Variants in DAB1 observed in about 807,000 individuals in gnomAD.
DAB1 encodes DAB adaptor protein 1.
In DAB1, 15 loss-of-function variants were observed where a neutral mutation model predicts 64.6. That is an observed-to-expected ratio of 0.23 (90% confidence interval 0.16 to 0.36). The LOEUF (loss-of-function observed/expected upper bound fraction) is 0.36. Among genes scored for constraint, DAB1 ranks in the 10% least tolerant of loss-of-function variants. DAB1 has a pLI of 1.00. For missense variants in DAB1, 596 were observed against 706.7 expected, an observed-to-expected ratio of 0.84 and a Z score of 1.78; for synonymous variants, 235 against 251.9, an observed-to-expected ratio of 0.93 and a Z score of 0.64.
At chr1:57,943,386 A>AT (rs1645131793) in intron 5 of DAB1, among the ~76,000 whole-genome samples, 1 of 152,170 alleles carries the variant, frequency 6.6e-6, no homozygotes, top group Non-Finnish European at 1.5e-5. Context: ...TAGTAAGCTC[A>AT]TGTGTGTTAC....
chr1:57,922,062 A>T (rs1264053668), intron 5 of DAB1, among the ~76,000 whole-genome samples: 3 of 151,946 alleles, frequency 2.0e-5, no homozygotes, highest in Admixed American at 2.0e-4. Flanking sequence ...TTTCCTCCTC[A>T]CCTTTACAAA....
intron 7 of DAB1, among the ~76,000 whole-genome samples, chr1:57,444,884 A>G (rs182162859): frequency 6.6e-6 from 1 of 152,216 alleles, no homozygotes; most frequent in Non-Finnish European, 1.5e-5. Flanking sequence ...GTGGTAGTTT[A>G]TTACAGCAGC....
At chr1:57,369,907 G>A (rs181924341) in intron 1 of DAB1, among the ~76,000 whole-genome samples, 2 of 152,332 alleles carry the variant, frequency 1.3e-5, no homozygotes, top group East Asian at 3.9e-4. Context: ...AGATCATCCA[G>A]CTACGAAGTC....
At chr1:57,059,214 G>C (rs1003110817) in intron 9 of DAB1, among the ~76,000 whole-genome samples, 2 of 152,146 alleles carry the variant, frequency 1.3e-5, no homozygotes, top group African/African-American at 4.8e-5. Flanking sequence ...ACAAAGCAAA[G>C]GTAGTATTAT....
chr1:57,688,268 C>T (rs1432623438), intron 6 of DAB1, among the ~76,000 whole-genome samples: 1 of 152,114 alleles, frequency 6.6e-6, no homozygotes, highest in African/African-American at 2.4e-5. Flanking sequence ...TAAACAGACA[C>T]TTCTCAAAAG....
At chr1:57,458,641 C>T (rs1231109076) in intron 7 of DAB1, among the ~76,000 whole-genome samples, 2 of 151,994 alleles carry the variant, frequency 1.3e-5, no homozygotes, top group African/African-American at 2.4e-5. Flanking sequence ...ATGATTTATA[C>T]ATTATAAAAA....
chr1:57,709,811 G>T (rs1371850769), intron 6 of DAB1, among the ~76,000 whole-genome samples: 1 of 152,102 alleles, frequency 6.6e-6, no homozygotes, highest in Admixed American at 6.6e-5. Context: ...CCTGGATGGA[G>T]CTATGTTGCT....
At chr1:58,475,017 A>C (rs1452244102) in intron 3 of DAB1, among the ~76,000 whole-genome samples, 1 of 152,190 alleles carries the variant, frequency 6.6e-6, no homozygotes, top group African/African-American at 2.4e-5. Context: ...CCAGCCCATC[A>C]TCTGGCGAAT....
chr1:58,319,743 T>C (rs1662639798), intron 4 of DAB1, among the ~76,000 whole-genome samples: 1 of 152,230 alleles, frequency 6.6e-6, no homozygotes, highest in African/African-American at 2.4e-5. Context: ...CAAGGTCTCT[T>C]TGTAAAAGTA....
intron 11 of DAB1, among the ~76,000 whole-genome samples, chr1:57,018,172 T>C (rs945569493): frequency 5.9e-5 from 9 of 152,214 alleles, no homozygotes; most frequent in African/African-American, 2.2e-4. Context: ...TCAACAACTG[T>C]GCACAGGAGA....
chr1:57,766,376 T>C (rs1290488549), intron 6 of DAB1, among the ~76,000 whole-genome samples: 1 of 151,856 alleles, frequency 6.6e-6, no homozygotes, highest in Admixed American at 6.6e-5. Flanking sequence ...TATCTCAGAG[T>C]ACGCACCAAA....
At chr1:57,348,500 T>C (rs1023624162) in intron 1 of DAB1, among the ~76,000 whole-genome samples, 3 of 152,192 alleles carry the variant, frequency 2.0e-5, no homozygotes. Flanking sequence ...CTAACTGTGT[T>C]TAATTTAATC....
chr1:57,790,755 G>C (rs1429094676), intron 6 of DAB1, among the ~76,000 whole-genome samples: 11 of 152,168 alleles, frequency 7.2e-5, no homozygotes, highest in Non-Finnish European at 1.5e-4. Flanking sequence ...GAGAAAAGGA[G>C]ATTTTACCAG....
intron 2 of DAB1, among the ~76,000 whole-genome samples, chr1:57,194,073 A>G (rs1664408489): frequency 1.3e-5 from 2 of 152,238 alleles, no homozygotes; most frequent in Non-Finnish European, 2.9e-5. Context: ...ATCTGGGAAC[A>G]AGAGCAGGGC....
intron 5 of DAB1, among the ~76,000 whole-genome samples, chr1:57,889,105 T>C (rs1406398320): frequency 6.6e-6 from 1 of 152,228 alleles, no homozygotes; most frequent in Admixed American, 6.5e-5. Flanking sequence ...TTCACGAGCT[T>C]GAGTTTCCTA....
intron 4 of DAB1, among the ~76,000 whole-genome samples, chr1:57,098,791 C>G (rs1044795905): frequency 6.6e-6 from 1 of 152,108 alleles, no homozygotes; most frequent in Non-Finnish European, 1.5e-5. Context: ...TCAACTTATA[C>G]GCCAAATATA....
intron 9 of DAB1, among the ~76,000 whole-genome samples, chr1:57,036,461 C>T (rs533847463): frequency 6.6e-6 from 1 of 152,288 alleles, no homozygotes; most frequent in East Asian, 1.9e-4. Context: ...CAGTGCACTT[C>T]CTCCAGCCAG....
intron 4 of DAB1, among the ~76,000 whole-genome samples, chr1:58,296,465 A>G (rs1412393643): frequency 1.3e-5 from 2 of 152,162 alleles, no homozygotes; most frequent in Non-Finnish European, 2.9e-5. Flanking sequence ...GGCAGGAGAG[A>G]GTATCAAGGA....
chr1:58,463,989 G>A (rs1254095758), intron 3 of DAB1, among the ~76,000 whole-genome samples: 2 of 152,228 alleles, frequency 1.3e-5, no homozygotes, highest in Non-Finnish European at 1.5e-5. Flanking sequence ...CAAGCAAATG[G>A]ATCTTGCATC....
Sources: allele counts gnomAD v4.1 joint callset (sites outside exome capture counted in the v4.1 genomes callset), GRCh38; gene constraint gnomAD v4.1.1; transcripts MANE v1.5; gene names NCBI Gene and HGNC (gene_info 2026-07-23, HGNC 2026-07-21).